Variants in GPR149 observed in about 807,000 individuals in gnomAD.
GPR149 encodes the protein probable G protein-coupled receptor 149.
GPR149 carries 50 observed loss-of-function variants against 50.2 expected under a neutral mutation model. The ratio of observed to expected loss-of-function variants is 1.00; its 90% CI spans 0.79 to 1.26. The LOEUF (loss-of-function observed/expected upper bound fraction) is 1.26, where lower values mean the gene tolerates loss of function less well. GPR149 is among the 50% of genes most tolerant of loss of function. GPR149 has a pLI of 0.00. For synonymous variants in GPR149, 405 were observed against 358.2 expected (o/e 1.13, Z -1.48); for missense variants, 983 against 895.4 (o/e 1.10, Z -1.25).
chr3:154,341,067 T>C (rs1483418260), intron 3 of GPR149, among the ~76,000 whole-genome samples: 4 of 151,824 alleles, frequency 2.6e-5, no homozygotes, highest in African/African-American at 9.7e-5. Context: ...AAACCACAAG[T>C]TAAAGGGTTA....
intron 3 of GPR149, among the ~76,000 whole-genome samples, chr3:154,410,240 A>G (rs1380062999): frequency 6.6e-6 from 1 of 152,132 alleles, no homozygotes; most frequent in African/African-American, 2.4e-5. Flanking sequence ...AGCTCTAACT[A>G]TTGAAACCAA....
At chr3:154,392,669 A>C (rs1244048451) in intron 3 of GPR149, among the ~76,000 whole-genome samples, 1 of 151,762 alleles carries the variant, frequency 6.6e-6, no homozygotes, top group Non-Finnish European at 1.5e-5. Flanking sequence ...GTATAAACAA[A>C]ATAGACAAAC....
chr3:154,353,614 C>A, intron 3 of GPR149: 1 of 1,296,264 alleles, frequency 7.7e-7, no homozygotes, highest in Non-Finnish European at 1.1e-6. Flanking sequence ...TAAAAACACA[C>A]CATGCTGAGT....
intron 3 of GPR149, among the ~76,000 whole-genome samples, chr3:154,407,241 C>T (rs889810962): frequency 1.3e-5 from 2 of 151,932 alleles, no homozygotes; most frequent in Non-Finnish European, 2.9e-5. Context: ...TCATGCTTCA[C>T]ATAGTCAAAT....
At chr3:154,421,988 T>C (rs1712159820) in intron 2 of GPR149, among the ~76,000 whole-genome samples, 1 of 151,782 alleles carries the variant, frequency 6.6e-6, no homozygotes, top group Admixed American at 6.6e-5. Flanking sequence ...TATAATTTTT[T>C]GTCATTTATA....
At chr3:154,387,847 C>T (rs1034183499) in intron 3 of GPR149, among the ~76,000 whole-genome samples, 1 of 152,032 alleles carries the variant, frequency 6.6e-6, no homozygotes. Context: ...TTTTACTCTA[C>T]CTATGCTGTT....
intron 3 of GPR149, among the ~76,000 whole-genome samples, chr3:154,367,909 T>A (rs992635105): frequency 6.6e-6 from 1 of 152,190 alleles, no homozygotes. Context: ...TTCCTTAGAA[T>A]TCAGAGGCTA....
At chr3:154,341,292 C>CATATATATATATATAT (rs373212063) in intron 3 of GPR149, among the ~76,000 whole-genome samples, 18 of 72,952 alleles carry the variant, frequency 2.5e-4, no homozygotes, top group South Asian at 4.3e-4. Flanking sequence ...AAAAATAAGA[C>CATATATATATATATAT]ATATATATAT....
intron 3 of GPR149, among the ~76,000 whole-genome samples, chr3:154,362,584 G>A (rs933058309): frequency 6.6e-6 from 1 of 152,156 alleles, no homozygotes; most frequent in African/African-American, 2.4e-5. Context: ...GCCACTCTGA[G>A]TGCTGATTAT....
intron 3 of GPR149, among the ~76,000 whole-genome samples, chr3:154,348,608 C>A (rs1713989548): frequency 6.6e-6 from 1 of 151,974 alleles, no homozygotes; most frequent in Admixed American, 6.6e-5. Context: ...ATATATAAAG[C>A]CAAACTGATA....
chr3:154,342,548 A>C (rs1451093474), intron 3 of GPR149, among the ~76,000 whole-genome samples: 2 of 152,100 alleles, frequency 1.3e-5, no homozygotes, highest in Non-Finnish European at 2.9e-5. Flanking sequence ...AGCTGGGATT[A>C]AAGGCGTACC....
intron 3 of GPR149, among the ~76,000 whole-genome samples, chr3:154,403,615 A>C (rs1236350267): frequency 1.3e-5 from 2 of 152,170 alleles, no homozygotes; most frequent in African/African-American, 4.8e-5. Flanking sequence ...GAACACATTG[A>C]TAGGGATCCT....
chr3:154,375,394 G>A (rs1289162037), intron 3 of GPR149, among the ~76,000 whole-genome samples: 1 of 151,944 alleles, frequency 6.6e-6, no homozygotes, highest in Non-Finnish European at 1.5e-5. Flanking sequence ...ATTTTTGTTG[G>A]TATTAACTCC....
chr3:154,423,125 C>G (rs1209844055), intron 2 of GPR149, among the ~76,000 whole-genome samples: 1 of 151,722 alleles, frequency 6.6e-6, no homozygotes, highest in African/African-American at 2.4e-5. Flanking sequence ...ACTTCACCTC[C>G]ATGTCACAAG....
intron 3 of GPR149, among the ~76,000 whole-genome samples, chr3:154,346,288 A>G (rs978230741): frequency 2.0e-5 from 3 of 152,228 alleles, no homozygotes; most frequent in African/African-American, 7.2e-5. Flanking sequence ...GAAAAACAAA[A>G]GTAGATTTTT....
At chr3:154,401,262 A>G (rs1173249352) in intron 3 of GPR149, among the ~76,000 whole-genome samples, 1 of 152,250 alleles carries the variant, frequency 6.6e-6, no homozygotes, top group Non-Finnish European at 1.5e-5. Flanking sequence ...ACTGAACTAA[A>G]TAAATATTTC....
chr3:154,391,650 A>C (rs1715174661), intron 3 of GPR149, among the ~76,000 whole-genome samples: 1 of 151,824 alleles, frequency 6.6e-6, no homozygotes, highest in Non-Finnish European at 1.5e-5. Context: ...ATCAAAAGAC[A>C]TAATGTAGCT....
intron 3 of GPR149, among the ~76,000 whole-genome samples, chr3:154,415,400 A>G: frequency 6.6e-6 from 1 of 151,980 alleles, no homozygotes; most frequent in East Asian, 1.9e-4. Context: ...TATCTGAAGT[A>G]GTTTAGAATA....
intron 3 of GPR149, among the ~76,000 whole-genome samples, chr3:154,404,790 G>A (rs1711637636): frequency 1.3e-5 from 2 of 152,106 alleles, no homozygotes; most frequent in South Asian, 2.1e-4. Flanking sequence ...AATACTAAGT[G>A]AGCAATTTTT....
Sources: gnomAD v4.1 joint callset for allele counts (sites outside exome capture counted in the v4.1 genomes callset) on GRCh38, gnomAD v4.1.1 for gene constraint, MANE v1.5 for transcripts, NCBI Gene and HGNC (gene_info 2026-07-23, HGNC 2026-07-21) for gene names.